The following PDE1C variants were observed in gnomAD, a reference collection of about 807,000 sequenced individuals.
PDE1C encodes dual specificity calcium/calmodulin-dependent 3',5'-cyclic nucleotide phosphodiesterase 1C.
A neutral mutation model predicts 93.1 loss-of-function variants in PDE1C; 62 were observed. The observed-to-expected ratio is 0.67, with a 90% CI of 0.54 to 0.82. PDE1C has a LOEUF of 0.82. Among genes scored for constraint, PDE1C ranks in the 40% least tolerant of loss-of-function variants. PDE1C has a pLI of 0.00. For missense variants in PDE1C, 742 were observed against 884.6 expected (o/e 0.84, Z 2.04); for synonymous variants, 325 against 310.1 (o/e 1.05, Z -0.50).
At chr7:32,042,595 A>G (rs765046933) in intron 2 of PDE1C, among the ~76,000 whole-genome samples, 1 of 152,316 alleles carries the variant, frequency 6.6e-6, no homozygotes, top group Admixed American at 6.5e-5. Flanking sequence ...GTGCTTGCCA[A>G]AGTTTGTGCT....
Position 32,175,829 on chromosome 7 carries a change from T to A in PDE1C, c.137-5873A>T, listed in dbSNP as rs79256479. Among the ~76,000 whole-genome samples, 652 of 152,326 alleles carry A rather than the reference T, an allele frequency of 4.3e-3. 8 individuals are homozygous for A. The highest frequency in any genetic ancestry group is 0.015 in the African/African-American group (604 of 41,570). On this transcript the variant is annotated intron_variant, in intron 2 of 18. Transcript: ENST00000396193. ...TGGAACTACTTTACAATACTGTAAA[T>A]TGGAGAAAACTGATAGCAACACAAA... is the stretch of plus-strand genomic sequence containing the variant.
At chr7:32,396,139 C>A (rs1307127398) in intron 1 of PDE1C, among the ~76,000 whole-genome samples, 2 of 152,106 alleles carry the variant, frequency 1.3e-5, no homozygotes, top group Non-Finnish European at 2.9e-5. Context: ...TGAGGGTGGA[C>A]TAGCCCCAGC....
rs141298055 is a variant in PDE1C at position 32,023,440 on chromosome 7, C to T, written c.128+28114G>A. Among the ~76,000 whole-genome samples, 755 of 152,096 alleles carry T rather than the reference C, an allele frequency of 5.0e-3. 5 individuals carry two copies. The highest frequency in any genetic ancestry group is 0.014 in the African/African-American group (586 of 41,520). ...CAAATGAATTTTAAGACATACATCA[C>T]GAGAACTTAATCTCTTTTTAACACA... is the stretch of plus-strand genomic sequence containing the variant. On this transcript the variant is annotated intron_variant, in intron 2 of 17. Coordinates refer to ENST00000396191, the MANE Select transcript of PDE1C (RefSeq NM_001191057.4).
At chr7:31,873,246 A>G in intron 6 of PDE1C, 46 bp downstream of exon 6, 9 of 1,125,034 alleles carry the variant, frequency 8.0e-6, no homozygotes, top group Non-Finnish European at 1.2e-5. Context: ...GAGGATAAAC[A>G]TATGCATGTA....
At chr7:31,981,809 T>C (rs1563139555) in intron 2 of PDE1C, among the ~76,000 whole-genome samples, 1 of 152,224 alleles carries the variant, frequency 6.6e-6, no homozygotes, top group African/African-American at 2.4e-5. Flanking sequence ...TTGAATATTA[T>C]CAAAGCAATT....
chr7:31,830,817 C>T (rs1464023157), intron 11 of PDE1C, among the ~76,000 whole-genome samples: 1 of 152,134 alleles, frequency 6.6e-6, no homozygotes, highest in East Asian at 1.9e-4. Context: ...TGTAGACAAG[C>T]ACTTTGGAAG....
intron 17 of PDE1C, among the ~76,000 whole-genome samples, chr7:31,773,246 T>G (rs1584012342): frequency 6.6e-6 from 1 of 152,246 alleles, no homozygotes; most frequent in East Asian, 1.9e-4. Flanking sequence ...CCTGTAGGCT[T>G]TGGAGATGCT....
intron 3 of PDE1C, among the ~76,000 whole-genome samples, chr7:32,089,666 TC>T (rs1258232523): frequency 5.9e-5 from 9 of 152,300 alleles, no homozygotes; most frequent in African/African-American, 2.2e-4. Flanking sequence ...CTATAATGGT[TC>T]CCGAGACCTC....
At chr7:31,980,563 G>A (rs1812251798) in intron 2 of PDE1C, among the ~76,000 whole-genome samples, 1 of 152,178 alleles carries the variant, frequency 6.6e-6, no homozygotes, top group African/African-American at 2.4e-5. Context: ...CCTGATCAAA[G>A]ACATAGTTCC....
At chr7:31,719,400 G>C in the PDE1C span, among the ~76,000 whole-genome samples, 3 of 152,204 alleles carry the variant, frequency 2.0e-5, no homozygotes, top group Non-Finnish European at 4.4e-5. Flanking sequence ...TGAGCAAGTC[G>C]ACACCTGTTT....
At chr7:31,869,188 T>C (rs1469222266) in intron 6 of PDE1C, among the ~76,000 whole-genome samples, 1 of 151,960 alleles carries the variant, frequency 6.6e-6, no homozygotes, top group African/African-American at 2.4e-5. Context: ...ACCACAATTA[T>C]AAATAATAAG....
intron 7 of PDE1C, among the ~76,000 whole-genome samples, chr7:31,860,982 T>C (rs1252570698): frequency 6.6e-6 from 1 of 152,206 alleles, no homozygotes; most frequent in East Asian, 1.9e-4. Context: ...AAGTTGTCTA[T>C]AGTCATGTCT....
chr7:31,800,115 T>C (rs766182598), intron 16 of PDE1C, among the ~76,000 whole-genome samples: 6 of 151,698 alleles, frequency 4.0e-5, no homozygotes, highest in Non-Finnish European at 1.5e-5. Context: ...TGTTTTTAAT[T>C]GGGTCGTTTT....
intron 2 of PDE1C, among the ~76,000 whole-genome samples, chr7:32,050,281 C>T (rs1246124550): frequency 2.0e-5 from 3 of 152,144 alleles, no homozygotes; most frequent in Admixed American, 1.3e-4. Flanking sequence ...TTTATGAAAG[C>T]TCTTCCTAAG....
At chr7:32,045,446 T>C (rs1481042269) in intron 2 of PDE1C, among the ~76,000 whole-genome samples, 2 of 152,160 alleles carry the variant, frequency 1.3e-5, no homozygotes, top group Non-Finnish European at 2.9e-5. Context: ...TTATTAGTCA[T>C]CACAAATGTA....
intron 1 of PDE1C, among the ~76,000 whole-genome samples, chr7:32,344,070 A>T (rs747172071): frequency 7.2e-5 from 11 of 152,052 alleles, no homozygotes; most frequent in African/African-American, 2.7e-4. Context: ...TTAATTTTTT[A>T]TTTTTTATTT....
At chr7:32,192,688 C>T (rs775116034) in intron 2 of PDE1C, among the ~76,000 whole-genome samples, 9 of 152,024 alleles carry the variant, frequency 5.9e-5, no homozygotes, top group Non-Finnish European at 1.2e-4. Flanking sequence ...TTTCTGTATA[C>T]ATTTTAGAAT....
rs548192893 is a variant in PDE1C at position 32,087,565 on chromosome 7, A to C, written c.308+82220T>G. Among the ~76,000 whole-genome samples, 6 of 152,290 alleles carry C rather than the reference A, an allele frequency of 3.9e-5. No individual in the cohort carries two copies. The East Asian group carries it at 1.2e-3, about 29-fold the overall frequency. ...ACACATGCACACGTATGTTTATTGC[A>C]GCACTATTCACAATAGCAAAGACTT... On this transcript the variant is annotated intron_variant, in intron 3 of 18. Coordinates refer to the PDE1C transcript ENST00000396193.
chr7:31,683,188 A>C, the PDE1C span, among the ~76,000 whole-genome samples: 1 of 152,224 alleles, frequency 6.6e-6, no homozygotes, highest in Non-Finnish European at 1.5e-5. Context: ...TCTTTGAGAT[A>C]CTGTGATATT....
Sources: allele counts gnomAD v4.1 joint callset (sites outside exome capture counted in the v4.1 genomes callset), GRCh38; gene constraint gnomAD v4.1.1; transcripts MANE v1.5; gene names NCBI Gene and HGNC (gene_info 2026-07-23, HGNC 2026-07-21).